Variants in DLGAP2 observed in about 807,000 individuals in gnomAD.
The protein encoded by DLGAP2 is DLG associated protein 2.
Under a neutral mutation model 100.3 loss-of-function variants are expected in DLGAP2, and 26 were observed. That is an observed-to-expected ratio of 0.26 (90% confidence interval 0.19 to 0.36). DLGAP2 has a LOEUF of 0.36. Ranked by LOEUF, DLGAP2 falls within the 10% of genes least tolerant of loss-of-function variation. DLGAP2 has a pLI of 1.00. For missense variants in DLGAP2, 1,858 were observed against 1,453.2 expected (o/e 1.28, Z -4.53); for synonymous variants, 886 against 630.1 (o/e 1.41, Z -6.08).
At chr8:970,037 A>T (rs1364862946) in intron 2 of DLGAP2, among the ~76,000 whole-genome samples, 1 of 152,208 alleles carries the variant, frequency 6.6e-6, no homozygotes, top group Non-Finnish European at 1.5e-5. Flanking sequence ...TGTTCACACC[A>T]TTGACAAATG....
At chr8:1,194,590 C>T (rs550777400) in intron 2 of DLGAP2, among the ~76,000 whole-genome samples, 11 of 152,194 alleles carry the variant, frequency 7.2e-5, no homozygotes, top group Admixed American at 1.3e-4. Flanking sequence ...CAAGCACCCA[C>T]GCCTGCCTGT....
intron 1 of DLGAP2, among the ~76,000 whole-genome samples, chr8:822,820 C>G (rs1468552611): frequency 6.6e-6 from 1 of 152,148 alleles, no homozygotes; most frequent in Non-Finnish European, 1.5e-5. Flanking sequence ...CCACAGTGAC[C>G]ACTGCTGGGT....
At chr8:949,857 G>A (rs1430203098) in intron 2 of DLGAP2, among the ~76,000 whole-genome samples, 2 of 152,170 alleles carry the variant, frequency 1.3e-5, no homozygotes, top group African/African-American at 2.4e-5. Context: ...TTGGTCTAAT[G>A]GAACCGGCGC....
chr8:1,148,595 C>G (rs1430639034), intron 2 of DLGAP2, among the ~76,000 whole-genome samples: 2 of 151,918 alleles, frequency 1.3e-5, no homozygotes, highest in Non-Finnish European at 2.9e-5. Context: ...TTAGCTGCCT[C>G]TCGAGTATTA....
At chr8:1,417,693 G>A (rs5024508) in intron 3 of DLGAP2, among the ~76,000 whole-genome samples, 38,862 of 91,004 alleles carry the variant, frequency 0.43, 10,210 homozygotes, top group Non-Finnish European at 0.47. Context: ...GGGCACAGGG[G>A]GCCCCACTCC....
chr8:1,461,193 G>C (rs1798461693), intron 3 of DLGAP2, among the ~76,000 whole-genome samples: 1 of 145,976 alleles, frequency 6.9e-6, no homozygotes, highest in South Asian at 2.4e-4. Context: ...CACAGGACTG[G>C]GTGCAGTCGC....
chr8:1,139,001 C>T (rs976849405), intron 2 of DLGAP2, among the ~76,000 whole-genome samples: 5 of 152,246 alleles, frequency 3.3e-5, no homozygotes, highest in Non-Finnish European at 7.3e-5. Flanking sequence ...GGGAAACGTT[C>T]ACCCTGCCTC....
chr8:1,424,838 C>G (rs1403278230), intron 3 of DLGAP2, among the ~76,000 whole-genome samples: 1 of 152,174 alleles, frequency 6.6e-6, no homozygotes, highest in Non-Finnish European at 1.5e-5. Flanking sequence ...GAGTTGGATA[C>G]ACAGACAGGT....
At chr8:1,287,959 GT>G (rs1799978341) in intron 3 of DLGAP2, among the ~76,000 whole-genome samples, 1 of 58,490 alleles carries the variant, frequency 1.7e-5, no homozygotes, top group African/African-American at 8.7e-5. Context: ...TGTGTGTGTG[GT>G]TGTTAGGGGA....
At chr8:1,383,918 C>T (rs1796153099) in intron 3 of DLGAP2, among the ~76,000 whole-genome samples, 1 of 152,162 alleles carries the variant, frequency 6.6e-6, no homozygotes, top group Admixed American at 6.5e-5. Context: ...AAGGTCATTT[C>T]ACTCCCATTC....
chr8:1,337,481 TG>T (rs1233512539), intron 3 of DLGAP2, among the ~76,000 whole-genome samples: 2 of 135,446 alleles, frequency 1.5e-5, no homozygotes, highest in Non-Finnish European at 3.3e-5. Context: ...ATGATGGGGA[TG>T]GGGATGATAG....
intron 2 of DLGAP2, among the ~76,000 whole-genome samples, chr8:1,203,959 T>C (rs6984514): frequency 0.11 from 16,040 of 152,162 alleles, 1,914 homozygotes; most frequent in African/African-American, 0.29. Flanking sequence ...TGTCAAAAAA[T>C]AGGTCACTTC....
intron 2 of DLGAP2, among the ~76,000 whole-genome samples, chr8:1,005,950 G>T (rs945165000): frequency 1.3e-5 from 2 of 152,184 alleles, no homozygotes; most frequent in African/African-American, 2.4e-5. Flanking sequence ...GGTGGCTCAC[G>T]TCTGCTGAGG....
chr8:1,148,411 G>T (rs1796642083), intron 2 of DLGAP2, among the ~76,000 whole-genome samples: 1 of 151,046 alleles, frequency 6.6e-6, no homozygotes, highest in Admixed American at 6.6e-5. Context: ...AATATTTTTT[G>T]ATTTTGTTGA....
chr8:1,193,674 T>A (rs1179488625), intron 2 of DLGAP2, among the ~76,000 whole-genome samples: 1 of 152,082 alleles, frequency 6.6e-6, no homozygotes. Context: ...ACGATCCCAT[T>A]GAAGCCACCT....
At chr8:1,058,550 G>C (rs752058717) in intron 2 of DLGAP2, among the ~76,000 whole-genome samples, 2 of 152,232 alleles carry the variant, frequency 1.3e-5, no homozygotes, top group Non-Finnish European at 2.9e-5. Context: ...TTCAGCAATG[G>C]GGAGCACTGT....
At chr8:869,168 T>C (rs1053008460) in intron 1 of DLGAP2, among the ~76,000 whole-genome samples, 1 of 152,154 alleles carries the variant, frequency 6.6e-6, no homozygotes, top group Non-Finnish European at 1.5e-5. Context: ...CTTAGTGTAA[T>C]TTTGAGTCAG....
chr8:920,048 C>T (rs1181446201), intron 2 of DLGAP2, among the ~76,000 whole-genome samples: 6 of 152,274 alleles, frequency 3.9e-5, no homozygotes, highest in African/African-American at 7.2e-5. Context: ...AGAAAGCACG[C>T]GGAGCATGGT....
chr8:941,130 G>C (rs115392755), intron 2 of DLGAP2, among the ~76,000 whole-genome samples: 6,481 of 152,212 alleles, frequency 0.043, 458 homozygotes, highest in African/African-American at 0.15. Flanking sequence ...GGGACCCTCA[G>C]GGGGGTCGTG....
Sources: allele counts gnomAD v4.1 joint callset (sites outside exome capture counted in the v4.1 genomes callset), GRCh38; gene constraint gnomAD v4.1.1; transcripts MANE v1.5; gene names NCBI Gene and HGNC (gene_info 2026-07-23, HGNC 2026-07-21).